Variants in ABCC8 observed in about 807,000 individuals in gnomAD.
The protein encoded by ABCC8 is ATP-binding cassette sub-family C member 8.
ABCC8 carries 137 observed loss-of-function variants against 188.0 expected under a neutral mutation model. That is an observed-to-expected ratio of 0.73 (90% CI 0.63 to 0.84). The LOEUF is 0.84. ABCC8 is among the 40% of genes least tolerant of loss of function. ABCC8 has a pLI of 0.00. For missense variants in ABCC8, 1,750 were observed against 2,072.7 expected, an observed-to-expected ratio of 0.84 and a Z score of 3.02; for synonymous variants, 797 against 846.5, an observed-to-expected ratio of 0.94 and a Z score of 1.01.
chr11:17,461,601 C>T lies in ABCC8; in HGVS notation c.804G>A (p.Glu268=), dbSNP rs187271585. The stretch of plus-strand genomic sequence containing the variant: ...CACTGACCACCTGGGCGTCAAAGGC[C>T]TCGCAGAGCCGTTGGTAGTTGGTGA... ...RALTNYQRLC[E]AFDAQVRKDI... Residue 268 remains glutamate, a synonymous_variant, in exon 5 of 39, where the codon GAG becomes GAA. Transcript: ENST00000389817. The T allele has an allele frequency of 2.5e-6, 4 of 1,614,236 alleles. No homozygotes were observed. The highest frequency in any genetic ancestry group is 3.4e-6 in the Non-Finnish European group (4 of 1,180,048).
chr11:17,393,436 C>T (rs1205155011), intron 38 of ABCC8, among the ~76,000 whole-genome samples: 3 of 152,338 alleles, frequency 2.0e-5, no homozygotes, highest in African/African-American at 7.2e-5. Context: ...CATATAAGGC[C>T]TTGGGACAGG....
chr11:17,451,718 A>G (rs1956822482), intron 7 of ABCC8, among the ~76,000 whole-genome samples: 1 of 152,252 alleles, frequency 6.6e-6, no homozygotes, highest in South Asian at 2.1e-4. Flanking sequence ...GTTATTCCCA[A>G]TGCCCATTCT....
chr11:17,415,276 G>C (rs750802838), intron 18 of ABCC8, 28 bp downstream of exon 18: 2 of 1,601,058 alleles, frequency 1.2e-6, no homozygotes, highest in Non-Finnish European at 1.7e-6. Context: ...AGTTGACCCT[G>C]GGGGGCAATG....
At chr11:17,421,460 A>G (rs1955339789) in intron 16 of ABCC8, among the ~76,000 whole-genome samples, 1 of 152,210 alleles carries the variant, frequency 6.6e-6, no homozygotes, top group Non-Finnish European at 1.5e-5. Context: ...TGGTTCATTC[A>G]TTTAGCAAGT....
At chr11:17,414,367 A>C in intron 19 of ABCC8, 145 bp downstream of exon 19, 2 of 1,172,094 alleles carry the variant, frequency 1.7e-6, no homozygotes, top group Non-Finnish European at 2.5e-6. Context: ...CAGGTGCACC[A>C]TATGGAGAGG....
At position 17,443,169 on chromosome 11, in the gene ABCC8, G is replaced by A. The variant is rs774224706; in HGVS notation, c.1467+9C>T. The A allele has an allele frequency of 1.3e-5, 21 of 1,613,944 alleles. No homozygotes were observed. The highest frequency in any genetic ancestry group is 1.7e-5 in the Non-Finnish European group (20 of 1,179,982). On this transcript the variant is annotated intron_variant, in intron 9 of 38. Coordinates refer to ENST00000389817, the MANE Select transcript of ABCC8 (RefSeq NM_000352.6). Reference sequence around the variant, plus strand: ...GAGGGACAAAACACACACACCTTTGGGCACTCACCAGTGTGCTCCGCTGGG... The same window carrying A: ...GAGGGACAAAACACACACACCTTTGAGCACTCACCAGTGTGCTCCGCTGGG...
At chr11:17,421,435 G>T (rs1955338527) in intron 16 of ABCC8, among the ~76,000 whole-genome samples, 1 of 152,134 alleles carries the variant, frequency 6.6e-6, no homozygotes, top group Non-Finnish European at 1.5e-5. Flanking sequence ...CCTCTTGAAG[G>T]TCTTAAGTTG....
At chr11:17,474,346 A>G (rs1848638021) in intron 2 of ABCC8, among the ~76,000 whole-genome samples, 1 of 152,150 alleles carries the variant, frequency 6.6e-6, no homozygotes, top group Admixed American at 6.5e-5. Context: ...TTTAACATAC[A>G]GTGTGATCTG....
At chr11:17,394,837 C>T (rs1204216974) in intron 36 of ABCC8, among the ~76,000 whole-genome samples, 1 of 152,168 alleles carries the variant, frequency 6.6e-6, no homozygotes, top group Non-Finnish European at 1.5e-5. Context: ...TTCTCCTCCC[C>T]TAAGGCAGAA....
At chr11:17,397,930 C>T in intron 30 of ABCC8, 133 bp from the exon 31 acceptor site, 1 of 1,501,996 alleles carries the variant, frequency 6.7e-7, no homozygotes, top group Non-Finnish European at 8.9e-7. Context: ...ATGCACACGT[C>T]ACCAGACACA....
intron 8 of ABCC8, among the ~76,000 whole-genome samples, chr11:17,445,030 A>C (rs1314961482): frequency 6.6e-6 from 1 of 152,204 alleles, no homozygotes; most frequent in African/African-American, 2.4e-5. Flanking sequence ...GAACTCTGTC[A>C]CTGGGGAACC....
intron 4 of ABCC8, among the ~76,000 whole-genome samples, chr11:17,463,176 C>T (rs1167300324): frequency 2.6e-5 from 4 of 152,132 alleles, no homozygotes; most frequent in South Asian, 2.1e-4. Context: ...TCCCTTTCTA[C>T]GGAAAGTCAT....
chr11:17,453,213 A>G lies in ABCC8; in HGVS notation c.1082T>C (p.Leu361Pro). 1 of 1,614,240 alleles carries G rather than the reference A, an allele frequency of 6.2e-7. No individual in the cohort carries two copies. Among genetic ancestry groups the G allele is most frequent in the Non-Finnish European group, 8.5e-7 (1 of 1,180,038 alleles). ...TTGCAGTAGGAGGGCAAGGAACAGAAGCACAGCTAAGACGTAGGCATTGGC... is the reference window on the plus strand; with the variant it reads ...TTGCAGTAGGAGGGCAAGGAACAGAGGCACAGCTAAGACGTAGGCATTGGC... The part of the protein sequence containing the change: ...FLANAYVLAV[L>P]LFLALLLQRT... The change falls in exon 7 of 39, where the codon CTT becomes CCT. Residue 361 changes from leucine (L) to proline (P), a missense_variant. Transcript: ENST00000389817.
intron 7 of ABCC8, among the ~76,000 whole-genome samples, chr11:17,450,586 A>G (rs1267192072): frequency 5.9e-5 from 8 of 136,138 alleles, no homozygotes; most frequent in South Asian, 2.3e-4. Flanking sequence ...TTTAGTAGAG[A>G]CGGGGTTTCA....
At chr11:17,396,090 T>C in intron 33 of ABCC8, 160 bp from the exon 34 acceptor site, 1 of 1,469,338 alleles carries the variant, frequency 6.8e-7, no homozygotes, top group South Asian at 1.3e-5. Flanking sequence ...GGTTTGGGCT[T>C]GTTTCCTGCA....
At chr11:17,434,494 TA>T (rs1018222734) in intron 10 of ABCC8, among the ~76,000 whole-genome samples, 2 of 151,990 alleles carry the variant, frequency 1.3e-5, no homozygotes, top group Admixed American at 6.5e-5. Flanking sequence ...CAAAATTCAA[TA>T]AAACAAAACC....
At chr11:17,450,244 TTTTCTTTCTTTCTTTCTC>T (rs777789629) in intron 7 of ABCC8, among the ~76,000 whole-genome samples, 5,731 of 67,568 alleles carry the variant, frequency 0.085, 374 homozygotes, top group African/African-American at 0.11. Context: ...TTTCTTTTCT[TTTTCTTTCTTTCTTTCTC>T]TTTCTTTCTT....
At chr11:17,406,586 G>A (rs1455707841) in intron 26 of ABCC8, 36 bp downstream of exon 26, 1 of 1,586,200 alleles carries the variant, frequency 6.3e-7, no homozygotes, top group Non-Finnish European at 8.6e-7. Flanking sequence ...ACAGTGACTT[G>A]CTCACAGTCC....
intron 3 of ABCC8, among the ~76,000 whole-genome samples, chr11:17,467,762 C>T (rs1237016143): frequency 6.6e-6 from 1 of 152,104 alleles, no homozygotes; most frequent in African/African-American, 2.4e-5. Flanking sequence ...CCCTGCAGTT[C>T]ACAGGCACGT....
Sources: gnomAD v4.1 joint callset for allele counts (sites outside exome capture counted in the v4.1 genomes callset) on GRCh38, gnomAD v4.1.1 for gene constraint, MANE v1.5 for transcripts, NCBI Gene and HGNC (gene_info 2026-07-23, HGNC 2026-07-21) for gene names.